ADGRL2: variants seen among roughly 807,000 people sequenced by gnomAD.
ADGRL2 encodes the protein adhesion G protein-coupled receptor L2, also known as calcium-independent alpha-latrotoxin receptor 2.
Under a neutral mutation model 157.4 loss-of-function variants are expected in ADGRL2, and 44 were observed. The observed-to-expected ratio is 0.28, with a 90% confidence interval of 0.22 to 0.36. The LOEUF (loss-of-function observed/expected upper bound fraction) is 0.36. ADGRL2 is among the 10% of genes least tolerant of loss of function. The pLI is 1.00. For synonymous variants in ADGRL2, 585 were observed against 624.7 expected, an observed-to-expected ratio of 0.94 and a Z score of 0.95; for missense variants, 1,510 against 1,768.9, an observed-to-expected ratio of 0.85 and a Z score of 2.63.
At chr1:81,492,083 T>C (rs1167278362) in intron 2 of ADGRL2, among the ~76,000 whole-genome samples, 1 of 152,200 alleles carries the variant, frequency 6.6e-6, no homozygotes, top group African/African-American at 2.4e-5. Context: ...TTTAATTTTG[T>C]TTAAAAAGGA....
intron 2 of ADGRL2, among the ~76,000 whole-genome samples, chr1:81,527,526 A>G (rs772271676): frequency 6.6e-6 from 1 of 152,194 alleles, no homozygotes; most frequent in Non-Finnish European, 1.5e-5. Context: ...AGCCTGGCCA[A>G]CATGGAGAAA....
chr1:81,782,640 C>T (rs2086863611), intron 2 of ADGRL2, among the ~76,000 whole-genome samples: 1 of 152,148 alleles, frequency 6.6e-6, no homozygotes, highest in Admixed American at 6.5e-5. Flanking sequence ...ACCACTCTAT[C>T]ACAACCACTT....
intron 2 of ADGRL2, among the ~76,000 whole-genome samples, chr1:81,490,351 C>G (rs1016856573): frequency 2.6e-5 from 4 of 152,014 alleles, no homozygotes; most frequent in Non-Finnish European, 5.9e-5. Flanking sequence ...AGGCTGGTCT[C>G]GAGCTCCTGA....
intron 1 of ADGRL2, among the ~76,000 whole-genome samples, chr1:81,420,870 A>G (rs1358215946): frequency 1.3e-5 from 2 of 152,160 alleles, no homozygotes; most frequent in African/African-American, 4.8e-5. Context: ...ATTAAATGGT[A>G]AATCATTAAA....
chr1:81,724,733 A>G (rs1428886437), intron 1 of ADGRL2, among the ~76,000 whole-genome samples: 2 of 152,224 alleles, frequency 1.3e-5, no homozygotes, highest in Non-Finnish European at 2.9e-5. Context: ...TTGAAGAATC[A>G]GTGGTAGGTG....
At chr1:81,336,738 A>G (rs1557606632) in intron 1 of ADGRL2, among the ~76,000 whole-genome samples, 1 of 152,140 alleles carries the variant, frequency 6.6e-6, no homozygotes, top group Non-Finnish European at 1.5e-5. Context: ...GAGGCAGGGA[A>G]ATACTGGGTA....
chr1:81,944,345 T>A (rs930040671), intron 6 of ADGRL2, among the ~76,000 whole-genome samples: 5 of 152,088 alleles, frequency 3.3e-5, no homozygotes, highest in Non-Finnish European at 7.4e-5. Context: ...AACGATCACA[T>A]GAACCAAACT....
Position 81,648,210 on chromosome 1 carries a change from G to A in ADGRL2, c.-143+67230G>A, listed in dbSNP as rs1006797225. Among the ~76,000 whole-genome samples, 11 of 152,290 alleles carry A rather than the reference G, an allele frequency of 7.2e-5. No homozygotes were observed. In the South Asian group the frequency reaches 2.1e-3, roughly 29 times the overall value. ...AGGCTATGGCTGTTAACTTAGAGCT[G>A]AACTAAGAACCGCCTTTCTATCAGC... On this transcript the variant is annotated intron_variant, in intron 3 of 24. Transcript: ENST00000370721.
At chr1:81,482,394 C>A (rs1405369896) in intron 2 of ADGRL2, among the ~76,000 whole-genome samples, 3 of 150,944 alleles carry the variant, frequency 2.0e-5, no homozygotes, top group Non-Finnish European at 4.4e-5. Flanking sequence ...TATTATAGAA[C>A]AACTTAAAAA....
chr1:81,720,547 T>C (rs1285084481), intron 1 of ADGRL2, among the ~76,000 whole-genome samples: 1 of 152,138 alleles, frequency 6.6e-6, no homozygotes, highest in Non-Finnish European at 1.5e-5. Flanking sequence ...AAACTGTTTC[T>C]TCTGACCATC....
At chr1:81,486,792 A>G (rs942507034) in intron 2 of ADGRL2, among the ~76,000 whole-genome samples, 1 of 152,196 alleles carries the variant, frequency 6.6e-6, no homozygotes, top group African/African-American at 2.4e-5. Context: ...AGGTTTCCAA[A>G]TGATTATTTT....
At chr1:81,596,116 T>A (rs1170421178) in intron 3 of ADGRL2, 4 of 339,648 alleles carry the variant, frequency 1.2e-5, no homozygotes, top group Admixed American at 3.5e-5. Context: ...TTTTTTTTTT[T>A]AACAACTGGT....
At chr1:81,383,176 A>T (rs536031336) in intron 1 of ADGRL2, among the ~76,000 whole-genome samples, 16 of 152,330 alleles carry the variant, frequency 1.1e-4, no homozygotes, top group African/African-American at 3.6e-4. Flanking sequence ...AAAGGAAAAG[A>T]ACTTTTTCCT....
chr1:81,825,333 A>T (rs1039763222), intron 1 of ADGRL2, among the ~76,000 whole-genome samples: 6 of 152,114 alleles, frequency 3.9e-5, no homozygotes, highest in Non-Finnish European at 8.8e-5. Flanking sequence ...TTGCACTCTT[A>T]GCTGAGCAGC....
chr1:81,380,716 C>T (rs561937771), intron 1 of ADGRL2, among the ~76,000 whole-genome samples: 1 of 152,142 alleles, frequency 6.6e-6, no homozygotes, highest in South Asian at 2.1e-4. Flanking sequence ...TATTATTTTC[C>T]ATTCAGCTGT....
chr1:81,568,389 T>C (rs183970573), intron 2 of ADGRL2, among the ~76,000 whole-genome samples: 226 of 152,246 alleles, frequency 1.5e-3, no homozygotes, highest in Non-Finnish European at 2.8e-3. Flanking sequence ...CACATCCTAT[T>C]AATCCCATCT....
At chr1:81,954,617 C>G (rs560010773) in intron 10 of ADGRL2, among the ~76,000 whole-genome samples, 1 of 152,114 alleles carries the variant, frequency 6.6e-6, no homozygotes, top group Admixed American at 6.6e-5. Context: ...CTGTTCCACT[C>G]TAGTTAATGG....
intron 2 of ADGRL2, among the ~76,000 whole-genome samples, chr1:81,452,349 C>G (rs1214414951): frequency 6.6e-6 from 1 of 152,106 alleles, no homozygotes; most frequent in Non-Finnish European, 1.5e-5. Flanking sequence ...ACCAATTTTT[C>G]CCCACAAAAG....
At chr1:81,698,614 G>C (rs867969598), upstream of ADGRL2, among the ~76,000 whole-genome samples, 2 of 152,124 alleles carry the variant, frequency 1.3e-5, no homozygotes, top group East Asian at 1.9e-4. Context: ...CAGTTTGCTT[G>C]ATTTAAATGT....
Sources: gnomAD v4.1 joint callset for allele counts (sites outside exome capture counted in the v4.1 genomes callset) on GRCh38, gnomAD v4.1.1 for gene constraint, MANE v1.5 for transcripts, NCBI Gene and HGNC (gene_info 2026-07-23, HGNC 2026-07-21) for gene names.